The following DGKI variants were observed in gnomAD, a reference collection of about 807,000 sequenced individuals.
DGKI encodes diacylglycerol kinase iota, also known as DAG kinase iota.
A neutral mutation model predicts 147.5 loss-of-function variants in DGKI; 55 were observed. The ratio of observed to expected loss-of-function variants is 0.37; its 90% CI spans 0.30 to 0.47. The LOEUF is 0.47. Among genes scored for constraint, DGKI ranks in the 20% least tolerant of loss-of-function variants. DGKI has a pLI of 1.00. For missense variants in DGKI, 1,007 were observed against 1,323.8 expected (o/e 0.76, Z 3.71); for synonymous variants, 469 against 477.1 (o/e 0.98, Z 0.22).
chr7:137,689,571 CTAAGGG>C (rs1823534003), intron 2 of DGKI, among the ~76,000 whole-genome samples: 1 of 152,228 alleles, frequency 6.6e-6, no homozygotes, highest in Non-Finnish European at 1.5e-5. Context: ...AGATGTTGCA[CTAAGGG>C]TAAGCTCAAT....
At chr7:137,787,396 C>A (rs1796706565) in intron 1 of DGKI, among the ~76,000 whole-genome samples, 1 of 152,110 alleles carries the variant, frequency 6.6e-6, no homozygotes, top group South Asian at 2.1e-4. Flanking sequence ...CAGGGAAATG[C>A]AAATCAAAAT....
At chr7:137,565,459 T>G (rs1723086) in intron 19 of DGKI, among the ~76,000 whole-genome samples, 16,642 of 152,154 alleles carry the variant, frequency 0.11, 2,051 homozygotes, top group African/African-American at 0.3. Context: ...ATATGGTAAG[T>G]GTAAAACTTC....
chr7:137,522,048 T>C, intron 20 of DGKI, 82 bp from the exon 21 acceptor site: 1 of 955,056 alleles, frequency 1.0e-6, no homozygotes, highest in East Asian at 2.6e-5. Flanking sequence ...AAGGGCAATA[T>C]TGTCTCTTCA....
At chr7:137,406,768 A>G (rs1051753802) in intron 30 of DGKI, among the ~76,000 whole-genome samples, 1 of 152,164 alleles carries the variant, frequency 6.6e-6, no homozygotes. Flanking sequence ...AATTATACAC[A>G]TGATCTTATT....
chr7:137,609,727 T>A, intron 8 of DGKI, 118 bp from the exon 9 acceptor site: 2 of 678,458 alleles, frequency 2.9e-6, no homozygotes, highest in Non-Finnish European at 5.1e-6. Context: ...CTTCTCATGC[T>A]TTCACACTTC....
chr7:137,842,485 T>C (rs898132791), intron 1 of DGKI, among the ~76,000 whole-genome samples: 13 of 152,238 alleles, frequency 8.5e-5, no homozygotes, highest in African/African-American at 3.1e-4. Flanking sequence ...GCATGGTTTA[T>C]GAGCAGAGAA....
rs763488407 is a variant in DGKI at position 137,846,481 on chromosome 7, G to T, written c.382C>A (p.Arg128=). 4.3e-5 allele frequency: 69 copies of T among 1,593,278 alleles called. No homozygotes were observed. In the South Asian group the frequency reaches 7.2e-4, roughly 17 times the overall value. ...LEEKLRNLTF[R]KQVSYRKAIS... is the part of the protein sequence containing the mutation. ...ACCTACCTGTACGAGACCTGCTTCC[G>T]GAAAGTTAAGTTCCTCAGCTTCTCC... The change falls in exon 1 of 33, where the codon CGG becomes AGG. Residue 128 remains arginine, a synonymous_variant. Transcript: ENST00000614521. The surrounding 1 kb of genome is among the most constrained non-coding windows in gnomAD (Gnocchi z 4.0).
At chr7:137,724,006 C>T (rs1794647374) in intron 1 of DGKI, among the ~76,000 whole-genome samples, 1 of 152,022 alleles carries the variant, frequency 6.6e-6, no homozygotes, top group Non-Finnish European at 1.5e-5. Flanking sequence ...CTGCACCTGG[C>T]CCATGATTTC....
intron 1 of DGKI, among the ~76,000 whole-genome samples, chr7:137,821,840 C>T (rs1355932861): frequency 6.6e-6 from 1 of 152,116 alleles, no homozygotes; most frequent in Non-Finnish European, 1.5e-5. Flanking sequence ...TCCAGAAAAG[C>T]TCAGAAACTA....
chr7:137,439,148 A>T (rs960262477), intron 28 of DGKI, among the ~76,000 whole-genome samples: 1 of 152,168 alleles, frequency 6.6e-6, no homozygotes, highest in African/African-American at 2.4e-5. Context: ...TTATTATTTA[A>T]ACTGAGCAGA....
intron 1 of DGKI, among the ~76,000 whole-genome samples, chr7:137,745,271 T>C (rs1459045509): frequency 6.6e-6 from 1 of 152,218 alleles, no homozygotes; most frequent in Non-Finnish European, 1.5e-5. Context: ...TGGAAGGCAG[T>C]GAGTACCTCT....
At chr7:137,412,051 C>T (rs575901529) in intron 29 of DGKI, 119 bp downstream of exon 29, 64 of 977,982 alleles carry the variant, frequency 6.5e-5, no homozygotes, top group Non-Finnish European at 3.7e-5. Context: ...CCTCTTCTAC[C>T]CAGCCAGTGC....
chr7:137,558,535 C>A (rs1034697578), intron 19 of DGKI, among the ~76,000 whole-genome samples: 1 of 151,988 alleles, frequency 6.6e-6, no homozygotes, highest in Non-Finnish European at 1.5e-5. Flanking sequence ...ACCTTGGCCT[C>A]CCAAAGTGCT....
intron 27 of DGKI, among the ~76,000 whole-genome samples, chr7:137,459,981 G>A (rs58999229): frequency 0.068 from 10,335 of 151,940 alleles, 1,195 homozygotes; most frequent in African/African-American, 0.24. Flanking sequence ...TGAATACTAC[G>A]TTAGCAGTGT....
chr7:137,490,150 C>T (rs75274833), intron 21 of DGKI, among the ~76,000 whole-genome samples: 3,269 of 152,204 alleles, frequency 0.021, 165 homozygotes, highest in East Asian at 0.12. Context: ...TTTTATAACA[C>T]GATTACCAAC....
At chr7:137,620,026 C>T (rs927009315) in intron 7 of DGKI, 86 bp from the exon 8 acceptor site, 1 of 691,628 alleles carries the variant, frequency 1.4e-6, no homozygotes, top group Admixed American at 2.2e-5. Context: ...CACGCACACA[C>T]ACACACACAC....
chr7:137,687,892 G>A (rs1683981227), intron 2 of DGKI, among the ~76,000 whole-genome samples: 2 of 152,162 alleles, frequency 1.3e-5, no homozygotes, highest in South Asian at 4.2e-4. Context: ...GAAAAGGGGA[G>A]AAGAGGGAGG....
In DGKI at chr7:137,395,687, C is replaced by A. The variant is rs748377612; in HGVS notation, c.2968G>T (p.Ala990Ser). 6.2e-7 allele frequency: 1 copy of A among 1,613,844 alleles called. No homozygotes were observed. Among genetic ancestry groups the A allele is most frequent in the Non-Finnish European group, 8.5e-7 (1 of 1,179,740 alleles). The change falls in exon 32 of 33, where the codon GCA becomes TCA. Residue 990 changes from alanine to serine, a missense_variant. By Grantham distance (99) the Ala-to-Ser change is moderately conservative (BLOSUM62 1). Around this residue, in one of 5 missense-constraint regions of DGKI, gnomAD observed 385 missense variants for 445.2 expected, o/e 0.86. Transcript: ENST00000614521. ...DMADSETGET[A>S]LHKAACQRNR... Reference sequence around the variant, plus strand: ...CGCTGGCAGGCAGCCTTGTGCAGTGCAGTCTCACCCCTAAATCAAAGATGA... The same window carrying A: ...CGCTGGCAGGCAGCCTTGTGCAGTGAAGTCTCACCCCTAAATCAAAGATGA...
chr7:137,514,174 T>G lies in DGKI; in HGVS notation c.2248+7692A>C, dbSNP rs532432000. On this transcript the variant is annotated intron_variant, in intron 21 of 32. Transcript: ENST00000614521. ...TGACATTCTGGACTATTTCTGTGTT[T>G]ATTTGTGGCCGAGTGTAACAACCAT... Among the ~76,000 whole-genome samples, 12 of 152,254 alleles carry G rather than the reference T, an allele frequency of 7.9e-5. No individual in the cohort carries two copies. In the South Asian group the frequency reaches 2.5e-3, roughly 32 times the overall value.
Sources: gnomAD v4.1 joint callset for allele counts (sites outside exome capture counted in the v4.1 genomes callset) on GRCh38, gnomAD v4.1.1 for gene constraint, gnomAD v4.1.1 regional missense constraint, Gnocchi (gnomAD v3.1) non-coding constraint, MANE v1.5 for transcripts, NCBI Gene and HGNC (gene_info 2026-07-23, HGNC 2026-07-21) for gene names.